Variants in UNC79 observed in about 807,000 individuals in gnomAD.
The protein encoded by UNC79 is protein unc-79 homolog.
Under a neutral mutation model 283.1 loss-of-function variants are expected in UNC79, and 37 were observed. The ratio of observed to expected loss-of-function variants is 0.13; its 90% CI spans 0.10 to 0.17. The LOEUF (loss-of-function observed/expected upper bound fraction) is 0.17. Among genes scored for constraint, UNC79 ranks in the 10% least tolerant of loss-of-function variants. The pLI is 1.00. For missense variants in UNC79, 2,272 were observed against 3,211.1 expected (o/e 0.71, Z 7.07); for synonymous variants, 1,107 against 1,200.2 (o/e 0.92, Z 1.61).
At chr14:93,566,226 C>G (rs74864925) in intron 14 of UNC79, among the ~76,000 whole-genome samples, 1 of 152,128 alleles carries the variant, frequency 6.6e-6, no homozygotes, top group Non-Finnish European at 1.5e-5. Context: ...CGGAGAATCT[C>G]TTATAAACCA....
At chr14:93,333,898 G>A (rs2053514916) in intron 1 of UNC79, among the ~76,000 whole-genome samples, 1 of 152,180 alleles carries the variant, frequency 6.6e-6, no homozygotes, top group Non-Finnish European at 1.5e-5. Flanking sequence ...CTAACAAGTA[G>A]GCAAGCCAAG....
chr14:93,481,077 C>T (rs1422771948), intron 4 of UNC79, among the ~76,000 whole-genome samples: 3 of 152,088 alleles, frequency 2.0e-5, no homozygotes, highest in African/African-American at 7.2e-5. Flanking sequence ...CAGAGATTTC[C>T]TCCTTACCAT....
intron 1 of UNC79, among the ~76,000 whole-genome samples, chr14:93,387,003 C>T (rs1437265111): frequency 2.7e-5 from 3 of 113,132 alleles, no homozygotes; most frequent in South Asian, 3.1e-4. Context: ...AGTGCAATGG[C>T]ATGATCTTGG....
chr14:93,476,978 C>T (rs1285389904), intron 3 of UNC79, among the ~76,000 whole-genome samples: 2 of 152,012 alleles, frequency 1.3e-5, no homozygotes, highest in African/African-American at 2.4e-5. Context: ...TGTTATGATC[C>T]CTGTTTAAAG....
intron 5 of UNC79, 105 bp from the exon 6 acceptor site, chr14:93,496,306 A>G: frequency 1.5e-6 from 1 of 672,544 alleles, no homozygotes; most frequent in Non-Finnish European, 2.4e-6. Flanking sequence ...TTTAATGATT[A>G]GAGACTGAAA....
intron 1 of UNC79, among the ~76,000 whole-genome samples, chr14:93,462,078 G>A (rs1275101325): frequency 6.6e-5 from 10 of 152,134 alleles, no homozygotes; most frequent in African/African-American, 2.2e-4. Flanking sequence ...AGGCCGAGGC[G>A]GTCAGATCAC....
rs1010223409 is a variant in UNC79, at chr14:93,452,978, C to T, written c.23-14693C>T. 2.0e-5 allele frequency among the ~76,000 whole-genome samples: 3 copies of T among 152,230 alleles called. No individual in the cohort carries two copies. The South Asian group carries it at 6.2e-4, about 32-fold the overall frequency. On this transcript the variant is annotated intron_variant, in intron 1 of 48. Transcript: ENST00000555664. ...TTGCTGTGTGATGGACTGAATTATTCTTCTGAATTCTGTAGTATGTTCTGA... is the reference window on the plus strand; with the variant it reads ...TTGCTGTGTGATGGACTGAATTATTTTTCTGAATTCTGTAGTATGTTCTGA...
intron 14 of UNC79, among the ~76,000 whole-genome samples, chr14:93,548,797 A>G (rs971838211): frequency 2.0e-5 from 3 of 152,226 alleles, no homozygotes; most frequent in African/African-American, 7.2e-5. Context: ...CTTTGCACAC[A>G]GAGGTTTTTC....
intron 14 of UNC79, among the ~76,000 whole-genome samples, chr14:93,551,032 T>A (rs764994376): frequency 4.0e-5 from 6 of 148,668 alleles, no homozygotes; most frequent in Non-Finnish European, 8.8e-5. Context: ...TTTTATTTTA[T>A]TATTTATTTA....
chr14:93,533,537 C>T (rs569881816), intron 11 of UNC79, among the ~76,000 whole-genome samples: 5 of 152,224 alleles, frequency 3.3e-5, no homozygotes, highest in Admixed American at 1.3e-4. Context: ...GCTGGGATGG[C>T]TGGAATGGTG....
intron 30 of UNC79, among the ~76,000 whole-genome samples, chr14:93,629,711 A>G (rs2067866890): frequency 1.3e-5 from 2 of 152,232 alleles, no homozygotes; most frequent in African/African-American, 4.8e-5. Context: ...CTTAAAGTGT[A>G]TGTTTGTATG....
chr14:93,593,013 G>A (rs909127848), intron 22 of UNC79, among the ~76,000 whole-genome samples: 1 of 152,206 alleles, frequency 6.6e-6, no homozygotes, highest in East Asian at 1.9e-4. Context: ...GTTGCAGGCT[G>A]ACATCACCCT....
chr14:93,677,380 G>A (rs1017292129), intron 41 of UNC79, among the ~76,000 whole-genome samples: 1 of 152,150 alleles, frequency 6.6e-6, no homozygotes, highest in Non-Finnish European at 1.5e-5. Flanking sequence ...TCACAATCAC[G>A]GCGAAGGTGA....
chr14:93,422,471 G>A (rs868233397), intron 1 of UNC79, among the ~76,000 whole-genome samples: 1 of 152,064 alleles, frequency 6.6e-6, no homozygotes, highest in African/African-American at 2.4e-5. Flanking sequence ...GGCCTTTCCT[G>A]AATTCCAAAA....
At chr14:93,386,901 A>T (rs1217134738) in intron 1 of UNC79, among the ~76,000 whole-genome samples, 2 of 77,782 alleles carry the variant, frequency 2.6e-5, no homozygotes, top group African/African-American at 5.1e-5. Flanking sequence ...GTATTGTTTC[A>T]TTCATTTCAA....
Position 93,618,178 on chromosome 14 carries a change from G to A in UNC79, c.4225-14G>A, listed in dbSNP as rs543384968. On this transcript the variant is annotated splice_polypyrimidine_tract_variant and intron_variant, in intron 28 of 48. Transcript: ENST00000555664. ...ATAACCATTTATCTTTTTCTCTCTCGTTTCATTGGGCAGTATCCATACCGA... is the reference window on the plus strand; with the variant it reads ...ATAACCATTTATCTTTTTCTCTCTCATTTCATTGGGCAGTATCCATACCGA... 2.1e-5 allele frequency: 33 copies of A among 1,596,728 alleles called. No individual in the cohort carries two copies. The highest frequency in any genetic ancestry group is 1.4e-4 in the Admixed American group (8 of 56,524).
chr14:93,540,720 G>A (rs1456981463), exon 13 of UNC79: 1 of 1,613,816 alleles, frequency 6.2e-7, no homozygotes, highest in Non-Finnish European at 8.5e-7. Flanking sequence ...ACCGGCGGCG[G>A]CAGCTGGGCC....
chr14:93,604,685 A>G (rs559315949), intron 26 of UNC79, among the ~76,000 whole-genome samples: 44 of 152,348 alleles, frequency 2.9e-4, no homozygotes, highest in African/African-American at 1.1e-3. Flanking sequence ...TCACATGACA[A>G]TTTTGAAGAT....
chr14:93,488,833 A>G (rs1316903033), intron 5 of UNC79, among the ~76,000 whole-genome samples: 6 of 152,324 alleles, frequency 3.9e-5, no homozygotes, highest in Non-Finnish European at 7.3e-5. Context: ...GTCCTCCTTT[A>G]TAAAGGCAGT....
Sources: gnomAD v4.1 joint callset for allele counts (sites outside exome capture counted in the v4.1 genomes callset) on GRCh38, gnomAD v4.1.1 for gene constraint, MANE v1.5 for transcripts, NCBI Gene and HGNC (gene_info 2026-07-23, HGNC 2026-07-21) for gene names.